Variants in PPP3CA observed in about 807,000 individuals in gnomAD.
The protein encoded by PPP3CA is protein phosphatase 3 catalytic subunit alpha, also known as CAM-PRP catalytic subunit.
In PPP3CA, 14 loss-of-function variants were observed where a neutral mutation model predicts 66.5. That is an observed-to-expected ratio of 0.21 (90% CI 0.14 to 0.33). The LOEUF (loss-of-function observed/expected upper bound fraction) is 0.33. Among genes scored for constraint, PPP3CA ranks in the 10% least tolerant of loss-of-function variants. The pLI is 1.00. For synonymous variants in PPP3CA, 232 were observed against 226.2 expected (o/e 1.03, Z -0.23); for missense variants, 317 against 639.5 (o/e 0.50, Z 5.44).
In PPP3CA at chr4:101,262,267, T is replaced by C. The variant is rs1727033737; in HGVS notation, c.59-66151A>G. Among the ~76,000 whole-genome samples, 3 of 152,050 alleles carry C rather than the reference T, an allele frequency of 2.0e-5. No individual in the cohort carries two copies. In the South Asian group the frequency reaches 6.2e-4, roughly 31 times the overall value. ...TTAAGTGAAATTAATAACAAGAGTA[T>C]ATACAAACCCCTCCAGTCTTCTCCC... On this transcript the variant is annotated intron_variant, in intron 1 of 13. Transcript: ENST00000394854.
At chr4:101,219,839 G>C (rs1399657928) in intron 1 of PPP3CA, among the ~76,000 whole-genome samples, 1 of 151,726 alleles carries the variant, frequency 6.6e-6, no homozygotes, top group Non-Finnish European at 1.5e-5. Flanking sequence ...AAACTCAAAA[G>C]ATTTCTAAAT....
At chr4:101,096,892 G>A (rs1364128315) in intron 5 of PPP3CA, among the ~76,000 whole-genome samples, 2 of 150,644 alleles carry the variant, frequency 1.3e-5, no homozygotes, top group Non-Finnish European at 3.0e-5. Context: ...ACTTGCAAAT[G>A]TTCATCATAT....
At chr4:101,209,460 T>C (rs1009981382) in intron 1 of PPP3CA, among the ~76,000 whole-genome samples, 2 of 152,114 alleles carry the variant, frequency 1.3e-5, no homozygotes, top group Non-Finnish European at 2.9e-5. Context: ...CCCTTACCAC[T>C]AGACTGTAAT....
At chr4:101,032,419 A>C in intron 11 of PPP3CA, 55 bp from the exon 12 acceptor site, 1 of 1,460,018 alleles carries the variant, frequency 6.8e-7, no homozygotes, top group Non-Finnish European at 9.5e-7. Flanking sequence ...GTGAAAAAGA[A>C]AGAAATGACT....
chr4:101,127,700 A>G (rs1400793011), intron 2 of PPP3CA, among the ~76,000 whole-genome samples: 1 of 152,192 alleles, frequency 6.6e-6, no homozygotes, highest in Admixed American at 6.5e-5. Context: ...AAACAAATAC[A>G]CCAAATGTAT....
chr4:101,097,961 T>C (rs980255040), intron 5 of PPP3CA, among the ~76,000 whole-genome samples: 2 of 152,176 alleles, frequency 1.3e-5, no homozygotes, highest in Non-Finnish European at 2.9e-5. Context: ...AATAGATTTT[T>C]AAAAAACCAT....
intron 1 of PPP3CA, among the ~76,000 whole-genome samples, chr4:101,306,749 GACTT>G (rs1440234473): frequency 1.3e-5 from 2 of 152,158 alleles, no homozygotes; most frequent in African/African-American, 4.8e-5. Context: ...GAGCATTACA[GACTT>G]ACTGACAAAA....
In PPP3CA at chr4:101,023,599, A is replaced by G. The variant is rs954100474; in HGVS notation, c.*2266T>C. The G allele has an allele frequency of 6.6e-6, 1 of 152,450 alleles. No homozygotes were observed. The highest frequency in any genetic ancestry group is 1.5e-5 in the Non-Finnish European group (1 of 68,024). The allele number at this position is 152,450 out of a possible 1,614,324, so 9.4% of individuals were successfully genotyped here. On this transcript the variant is annotated 3_prime_UTR_variant, in exon 14 of 14. Coordinates refer to ENST00000394854, the MANE Select transcript of PPP3CA (RefSeq NM_000944.5). The stretch of plus-strand genomic sequence containing the variant: ...GAATCACCATTTCTTTCACATCATC[A>G]CTCTAGTAAGTTGCATCTAAATATT...
At chr4:101,195,035 G>C (rs2110189638) in intron 2 of PPP3CA, among the ~76,000 whole-genome samples, 1 of 152,244 alleles carries the variant, frequency 6.6e-6, no homozygotes, top group South Asian at 2.1e-4. Context: ...CACTTTGGGA[G>C]GCTGAGGCGG....
intron 2 of PPP3CA, among the ~76,000 whole-genome samples, chr4:101,120,861 CTT>C (rs1252404982): frequency 6.6e-6 from 1 of 151,968 alleles, no homozygotes; most frequent in Non-Finnish European, 1.5e-5. Flanking sequence ...TCCATAAAGT[CTT>C]TGAATATTTT....
chr4:101,222,559 A>G (rs926944413), intron 1 of PPP3CA, among the ~76,000 whole-genome samples: 1 of 151,632 alleles, frequency 6.6e-6, no homozygotes, highest in Non-Finnish European at 1.5e-5. Flanking sequence ...AAATTGCCCA[A>G]CATTACATAT....
chr4:101,185,769 G>A (rs113329366), intron 2 of PPP3CA, among the ~76,000 whole-genome samples: 47 of 152,278 alleles, frequency 3.1e-4, no homozygotes, highest in African/African-American at 9.9e-4. Flanking sequence ...GAACCAGACT[G>A]CCTGGCCTTG....
chr4:101,280,410 G>C (rs1727641923), intron 1 of PPP3CA, among the ~76,000 whole-genome samples: 1 of 152,136 alleles, frequency 6.6e-6, no homozygotes, highest in Non-Finnish European at 1.5e-5. Flanking sequence ...AAGAACAAGG[G>C]AAAGCAAGAG....
At chr4:101,136,608 G>A (rs2110287543) in intron 2 of PPP3CA, among the ~76,000 whole-genome samples, 1 of 151,696 alleles carries the variant, frequency 6.6e-6, no homozygotes, top group South Asian at 2.1e-4. Context: ...CAAGGATTTT[G>A]TTGCTGGACT....
At chr4:101,036,962 C>T (rs886817706) in intron 11 of PPP3CA, among the ~76,000 whole-genome samples, 2 of 152,158 alleles carry the variant, frequency 1.3e-5, no homozygotes, top group Non-Finnish European at 2.9e-5. Flanking sequence ...GGTAAGGGTT[C>T]TCACAGCCAA....
chr4:101,070,880 T>C (rs1415140989), intron 8 of PPP3CA, among the ~76,000 whole-genome samples: 2 of 152,222 alleles, frequency 1.3e-5, no homozygotes, highest in African/African-American at 2.4e-5. Context: ...CAATTTTGCA[T>C]AGAGTATTTG....
chr4:101,053,609 T>C (rs190992804), intron 10 of PPP3CA, among the ~76,000 whole-genome samples: 413 of 152,238 alleles, frequency 2.7e-3, no homozygotes, highest in Non-Finnish European at 2.9e-3. Flanking sequence ...CTAGGACTCC[T>C]TTTCCAAATC....
At chr4:101,301,682 C>T (rs1428120644) in intron 1 of PPP3CA, among the ~76,000 whole-genome samples, 1 of 148,846 alleles carries the variant, frequency 6.7e-6, no homozygotes, top group Non-Finnish European at 1.5e-5. Context: ...TCAGTAGAGA[C>T]GGGGTTTCAC....
chr4:101,320,415 T>C (rs1729002133), intron 1 of PPP3CA, among the ~76,000 whole-genome samples: 1 of 151,384 alleles, frequency 6.6e-6, no homozygotes. Flanking sequence ...AGCTATGGCA[T>C]AGCTTGAATG....
Sources: allele counts gnomAD v4.1 joint callset (sites outside exome capture counted in the v4.1 genomes callset), GRCh38; gene constraint gnomAD v4.1.1; transcripts MANE v1.5; gene names NCBI Gene and HGNC (gene_info 2026-07-23, HGNC 2026-07-21).